Variants in CDK12 observed in about 807,000 individuals in gnomAD.
The protein encoded by CDK12 is cyclin-dependent kinase 12.
Under a neutral mutation model 133.8 loss-of-function variants are expected in CDK12, and 17 were observed. The ratio of observed to expected loss-of-function variants is 0.13; its 90% CI spans 0.09 to 0.19. CDK12 has a LOEUF of 0.19. Ranked by LOEUF, CDK12 falls within the 10% of genes least tolerant of loss-of-function variation. CDK12 has a pLI of 1.00. For synonymous variants in CDK12, 694 were observed against 683.6 expected, an observed-to-expected ratio of 1.02 and a Z score of -0.24; for missense variants, 1,508 against 1,818.7, an observed-to-expected ratio of 0.83 and a Z score of 3.11.
intron 3 of CDK12, among the ~76,000 whole-genome samples, chr17:39,557,747 C>T (rs2056214460): frequency 6.6e-6 from 1 of 152,160 alleles, no homozygotes; most frequent in Non-Finnish European, 1.5e-5. Flanking sequence ...CAGACAGCCT[C>T]AGCACAGTTT....
upstream of CDK12, among the ~76,000 whole-genome samples, chr17:39,548,520 GT>G (rs1048647705): frequency 7.2e-5 from 11 of 152,326 alleles, 1 homozygote; most frequent in South Asian, 6.2e-4. Context: ...TAAGAAAAGT[GT>G]TTTGTTAGTG....
chr17:39,517,807 T>G lies in CDK12; in HGVS notation c.2963+251T>G, dbSNP rs1268534138. On this transcript the variant is annotated intron_variant, in intron 10 of 13. Coordinates refer to ENST00000447079, the MANE Select transcript of CDK12 (RefSeq NM_016507.4). ...AATTTTCTCATAGCCTTCTTGATCTTTCCATGAGAAAAAGAGAATGGAATT... is the reference window on the plus strand; with the variant it reads ...AATTTTCTCATAGCCTTCTTGATCTGTCCATGAGAAAAAGAGAATGGAATT... Among the ~76,000 whole-genome samples the G allele has an allele frequency of 2.6e-5, 4 of 152,304 alleles. No individual in the cohort carries two copies. The East Asian group carries it at 5.8e-4, about 22-fold the overall frequency.
chr17:39,562,992 A>G (rs1222137478), intron 3 of CDK12, among the ~76,000 whole-genome samples: 1 of 146,814 alleles, frequency 6.8e-6, no homozygotes, highest in Non-Finnish European at 1.5e-5. Flanking sequence ...TGTAAAAATC[A>G]TTGGGAAAAT....
chr17:39,498,297 T>C (rs1046280455), intron 5 of CDK12, among the ~76,000 whole-genome samples: 1 of 151,998 alleles, frequency 6.6e-6, no homozygotes. Flanking sequence ...TGATCTCGAC[T>C]CACTGCAGCT....
chr17:39,528,416 C>T (rs1249325949), intron 13 of CDK12, among the ~76,000 whole-genome samples: 1 of 152,182 alleles, frequency 6.6e-6, no homozygotes, highest in African/African-American at 2.4e-5. Flanking sequence ...TCATTGCAAA[C>T]CCTACCTCCC....
At chr17:39,505,684 C>T (rs965695262) in intron 6 of CDK12, among the ~76,000 whole-genome samples, 6 of 152,130 alleles carry the variant, frequency 3.9e-5, no homozygotes, top group South Asian at 2.1e-4. Context: ...CGTTGAACAA[C>T]GCAGGTTTGA....
chr17:39,514,790 A>G (rs889375981), intron 8 of CDK12, among the ~76,000 whole-genome samples: 6 of 152,110 alleles, frequency 3.9e-5, no homozygotes, highest in Non-Finnish European at 8.8e-5. Flanking sequence ...ATGTTTTGAC[A>G]TAACATATCC....
intron 2 of CDK12, among the ~76,000 whole-genome samples, chr17:39,474,672 T>C (rs117656932): frequency 2.0e-5 from 3 of 152,138 alleles, no homozygotes; most frequent in Non-Finnish European, 4.4e-5. Flanking sequence ...AAGTATGTTT[T>C]TTCGTACCCT....
intron 1 of CDK12, among the ~76,000 whole-genome samples, chr17:39,465,251 T>TA (rs35826660): frequency 0.74 from 89,314 of 121,168 alleles, 33,807 homozygotes; most frequent in South Asian, 0.9. Context: ...GACTCAGTCT[T>TA]AAAAAAAAAA....
At chr17:39,563,760 G>T (rs2144677455) in intron 3 of CDK12, among the ~76,000 whole-genome samples, 2 of 151,652 alleles carry the variant, frequency 1.3e-5, no homozygotes, top group Middle Eastern at 6.8e-3. Flanking sequence ...TGCAAACGCC[G>T]AGGAGGAAGG....
chr17:39,558,756 G>C (rs1276610381), intron 3 of CDK12, among the ~76,000 whole-genome samples: 1 of 152,162 alleles, frequency 6.6e-6, no homozygotes, highest in African/African-American at 2.4e-5. Context: ...TGATTCTCCT[G>C]CCTCAGCCTC....
At chr17:39,492,242 G>T (rs952237454) in intron 3 of CDK12, among the ~76,000 whole-genome samples, 14 of 150,296 alleles carry the variant, frequency 9.3e-5, no homozygotes, top group African/African-American at 3.2e-4. Context: ...GACTACAGGC[G>T]CCTGCCACCA....
chr17:39,470,071 A>G lies in CDK12; in HGVS notation c.1047-808A>G, dbSNP rs558855176. The stretch of plus-strand genomic sequence containing the variant: ...TGACCCATCTTTTTTCAGATGAATA[A>G]GTAGTAGATAATTTTATTGTTATAT... On this transcript the variant is annotated intron_variant, in intron 1 of 13. Coordinates refer to ENST00000447079, the MANE Select transcript of CDK12 (RefSeq NM_016507.4). 1.4e-4 allele frequency among the ~76,000 whole-genome samples: 21 copies of G among 152,232 alleles called. No individual in the cohort carries two copies. The South Asian group carries it at 4.1e-3, about 30-fold the overall frequency.
upstream of CDK12, among the ~76,000 whole-genome samples, chr17:39,544,765 C>T (rs992137475): frequency 2.0e-5 from 3 of 151,548 alleles, no homozygotes; most frequent in Admixed American, 6.6e-5. Context: ...TGAGTAGCTG[C>T]GGTTACAGGC....
intron 3 of CDK12, among the ~76,000 whole-genome samples, chr17:39,561,502 G>A (rs1346021952): frequency 6.6e-6 from 1 of 152,184 alleles, no homozygotes; most frequent in Non-Finnish European, 1.5e-5. Context: ...GACAGCTCAG[G>A]AGAAGCTAGA....
chr17:39,509,864 G>A, intron 7 of CDK12, 103 bp downstream of exon 7: 2 of 853,208 alleles, frequency 2.3e-6, no homozygotes, highest in African/African-American at 1.7e-5. Context: ...TGCGTGGCTT[G>A]ATCTCAGCTC....
chr17:39,488,732 C>T (rs1817958243), intron 2 of CDK12, among the ~76,000 whole-genome samples: 1 of 151,954 alleles, frequency 6.6e-6, no homozygotes. Context: ...AAATTACTTC[C>T]TGCATTTTAT....
At chr17:39,518,430 T>A (rs4795379) in intron 10 of CDK12, among the ~76,000 whole-genome samples, 3 of 151,724 alleles carry the variant, frequency 2.0e-5, no homozygotes, top group African/African-American at 7.3e-5. Flanking sequence ...GCCCCCCAAA[T>A]TGCTGGGCTT....
At position 39,471,323 on chromosome 17, in the gene CDK12, A is replaced by T. The variant is rs553397525; in HGVS notation, c.1491A>T (p.Ala497=). The T allele has an allele frequency of 6.8e-6, 11 of 1,613,882 alleles. No homozygotes were observed. Among genetic ancestry groups the T allele is most frequent in the Non-Finnish European group, 9.3e-6 (11 of 1,179,902 alleles). Residue 497 remains alanine, a synonymous_variant, in exon 2 of 14, where the codon GCA becomes GCT. Transcript: ENST00000447079. The part of the protein sequence containing the change: ...SEKHLVKDLK[A]QGTRDSKPIA... ...AGCATCTTGTTAAAGATTTGAAAGCACAGGGAACAAGAGACTCTAAACCCA... is the reference window on the plus strand; with the variant it reads ...AGCATCTTGTTAAAGATTTGAAAGCTCAGGGAACAAGAGACTCTAAACCCA...
Sources: allele counts gnomAD v4.1 joint callset (sites outside exome capture counted in the v4.1 genomes callset), GRCh38; gene constraint gnomAD v4.1.1; transcripts MANE v1.5; gene names NCBI Gene and HGNC (gene_info 2026-07-23, HGNC 2026-07-21).